The following ULK4 variants were observed in gnomAD, a reference collection of about 807,000 sequenced individuals.
The protein encoded by ULK4 is inactive serine/threonine-protein kinase ULK4.
A neutral mutation model predicts 160.6 loss-of-function variants in ULK4; 133 were observed. The observed-to-expected ratio is 0.83, with a 90% CI of 0.72 to 0.96. The LOEUF (loss-of-function observed/expected upper bound fraction) is 0.96. Among genes scored for constraint, ULK4 ranks in the 40% least tolerant of loss-of-function variants. The pLI is 0.00. For synonymous variants in ULK4, 534 were observed against 539.8 expected (o/e 0.99, Z 0.15); for missense variants, 1,580 against 1,499.5 (o/e 1.05, Z -0.89).
intron 35 of ULK4, among the ~76,000 whole-genome samples, chr3:41,343,738 C>T (rs558347970): frequency 1.2e-4 from 18 of 152,290 alleles, no homozygotes; most frequent in Admixed American, 3.9e-4. Flanking sequence ...CATGAATGAA[C>T]TCCCATTCAC....
chr3:41,393,544 CTG>C (rs1371687500), intron 35 of ULK4, among the ~76,000 whole-genome samples: 1 of 152,170 alleles, frequency 6.6e-6, no homozygotes, highest in Non-Finnish European at 1.5e-5. Flanking sequence ...CCCAAAATGA[CTG>C]TTCCGTCGGA....
At chr3:41,901,597 C>G (rs548968616) in intron 12 of ULK4, among the ~76,000 whole-genome samples, 70 of 150,664 alleles carry the variant, frequency 4.6e-4, no homozygotes, top group Middle Eastern at 6.8e-3. Flanking sequence ...TCTCCTGCTT[C>G]AGCCTCCCAA....
intron 35 of ULK4, among the ~76,000 whole-genome samples, chr3:41,260,597 A>T (rs553720494): frequency 1.3e-5 from 2 of 152,340 alleles, no homozygotes; most frequent in African/African-American, 4.8e-5. Context: ...GGATCATCTG[A>T]AAGAGATCTA....
intron 30 of ULK4, among the ~76,000 whole-genome samples, chr3:41,623,385 A>G (rs561283506): frequency 6.6e-6 from 1 of 152,286 alleles, no homozygotes; most frequent in East Asian, 1.9e-4. Context: ...TAGAAAGTCC[A>G]CCTTGATGTC....
chr3:41,654,583 GGCA>G (rs2034862131), intron 30 of ULK4, among the ~76,000 whole-genome samples: 2 of 152,116 alleles, frequency 1.3e-5, no homozygotes. Context: ...CTAAAATCAA[GGCA>G]GAGAGAAAGG....
chr3:41,901,478 C>CTTTTTTTTT (rs1305478036), intron 12 of ULK4, among the ~76,000 whole-genome samples: 1 of 22,946 alleles, frequency 4.4e-5, no homozygotes, highest in Non-Finnish European at 3.1e-4. Context: ...CCACGCCCAG[C>CTTTTTTTTT]CTTTTTTTTT....
chr3:41,868,055 C>T (rs746629965), intron 17 of ULK4, among the ~76,000 whole-genome samples: 2 of 152,216 alleles, frequency 1.3e-5, no homozygotes, highest in African/African-American at 2.4e-5. Flanking sequence ...GTTTTAGTGA[C>T]TATTCAGTAT....
At chr3:41,936,497 A>G (rs1392512536) in intron 3 of ULK4, among the ~76,000 whole-genome samples, 5 of 152,250 alleles carry the variant, frequency 3.3e-5, no homozygotes, top group Middle Eastern at 3.4e-3. Flanking sequence ...ACTTTTTTTT[A>G]AAGGGTCAAG....
intron 35 of ULK4, chr3:41,258,301 C>T (rs552543694): frequency 6.6e-6 from 1 of 152,292 alleles, no homozygotes; most frequent in African/African-American, 2.4e-5. Context: ...CAAACTGAAA[C>T]CCACAAAGAA....
At chr3:41,272,415 G>A (rs551882919) in intron 35 of ULK4, among the ~76,000 whole-genome samples, 194 of 116,178 alleles carry the variant, frequency 1.7e-3, no homozygotes, top group Non-Finnish European at 2.7e-3. Flanking sequence ...CCCTCACCCC[G>A]CTTTCAATAA....
Position 41,911,575 on chromosome 3 carries a change from C to A in ULK4, c.981G>T (p.Lys327Asn). 2.5e-6 allele frequency: 4 copies of A among 1,614,078 alleles called. No homozygotes were observed. Among genetic ancestry groups the A allele is most frequent in the Non-Finnish European group, 3.4e-6 (4 of 1,180,030 alleles). ...NSQSRQAKGH[K>N]SGQPLGHSFR... ...AAGAGTGACCTAGTGGTTGACCACT[C>A]TTGTGCCCTTTTGCTTGTCTACTCT... The change falls in exon 10 of 37, where the codon AAG becomes AAT. Residue 327 changes from lysine to asparagine, a missense_variant. By Grantham distance (94) the Lys-to-Asn change is moderately conservative (BLOSUM62 0). Coordinates refer to ENST00000301831, the MANE Select transcript of ULK4 (RefSeq NM_017886.4).
At chr3:41,359,833 A>T (rs2081106534) in intron 35 of ULK4, among the ~76,000 whole-genome samples, 1 of 152,228 alleles carries the variant, frequency 6.6e-6, no homozygotes, top group African/African-American at 2.4e-5. Context: ...CTAGAAGAAA[A>T]TCTAGGCAAT....
chr3:41,315,236 T>C (rs1191303510), intron 35 of ULK4, among the ~76,000 whole-genome samples: 2 of 152,170 alleles, frequency 1.3e-5, no homozygotes, highest in East Asian at 3.8e-4. Flanking sequence ...AATTCTAAAA[T>C]TTAGAATTCT....
chr3:41,476,241 A>C (rs2084140908), intron 32 of ULK4, among the ~76,000 whole-genome samples: 1 of 152,208 alleles, frequency 6.6e-6, no homozygotes, highest in African/African-American at 2.4e-5. Context: ...ATGTTGGTGA[A>C]GCTCTGTAAA....
rs1553692179 is a variant in ULK4, at chr3:41,953,285, CAT to C, written c.138+1335_138+1336del. Among the ~76,000 whole-genome samples the C allele has an allele frequency of 6.5e-3, 557 of 85,904 alleles. 4 individuals are homozygous for C. The highest frequency in any genetic ancestry group is 0.02 in the African/African-American group (530 of 26,328). 56.4% of individuals were successfully genotyped at this position (85,904 alleles called of 152,430 possible). ...ATATACACATATATACATATATACA[CAT>C]ATATATATATATATATATTTTTTTT... On this transcript the variant is annotated intron_variant, in intron 2 of 36. Transcript: ENST00000301831.
chr3:41,822,676 C>G (rs887860773), intron 18 of ULK4, among the ~76,000 whole-genome samples: 1 of 151,074 alleles, frequency 6.6e-6, no homozygotes, highest in Non-Finnish European at 1.5e-5. Context: ...GCCTCAGCCT[C>G]CCAAAGTGCT....
At chr3:41,425,343 G>A (rs894797161) in intron 34 of ULK4, among the ~76,000 whole-genome samples, 2 of 152,062 alleles carry the variant, frequency 1.3e-5, no homozygotes, top group Admixed American at 6.6e-5. Context: ...GAAAAGATAC[G>A]GGGAGAATGG....
chr3:41,803,820 A>AT (rs1446123484), intron 19 of ULK4, among the ~76,000 whole-genome samples: 15 of 152,094 alleles, frequency 9.9e-5, no homozygotes, highest in Admixed American at 9.8e-4. Flanking sequence ...TGAACTCATC[A>AT]TTTTTTATGG....
intron 17 of ULK4, among the ~76,000 whole-genome samples, chr3:41,870,399 A>T (rs1260880447): frequency 6.6e-6 from 1 of 152,112 alleles, no homozygotes; most frequent in African/African-American, 2.4e-5. Context: ...TGTTTTCTTC[A>T]TTCTTTTTGC....
Sources: allele counts gnomAD v4.1 joint callset (sites outside exome capture counted in the v4.1 genomes callset), GRCh38; gene constraint gnomAD v4.1.1; transcripts MANE v1.5; gene names NCBI Gene and HGNC (gene_info 2026-07-23, HGNC 2026-07-21).